PAFAH1B1: variants seen among roughly 807,000 people sequenced by gnomAD.
PAFAH1B1 encodes platelet activating factor acetylhydrolase 1b regulatory subunit 1.
PAFAH1B1 carries 2 observed loss-of-function variants against 57.5 expected under a neutral mutation model. That is an observed-to-expected ratio of 0.03 (90% CI 0.01 to 0.11). The LOEUF is 0.11. PAFAH1B1 is among the 10% of genes least tolerant of loss of function. PAFAH1B1 has a pLI of 1.00. For synonymous variants in PAFAH1B1, 152 were observed against 169.6 expected (o/e 0.90, Z 0.81); for missense variants, 257 against 512.0 (o/e 0.50, Z 4.81).
intron 1 of PAFAH1B1, among the ~76,000 whole-genome samples, chr17:2,637,413 C>T (rs1200213417): frequency 6.4e-5 from 3 of 47,074 alleles, no homozygotes; most frequent in Non-Finnish European, 1.1e-4. Flanking sequence ...AGACCTGTCT[C>T]TACAAAAAAA....
chr17:2,671,895 G>A (rs1020999433), intron 6 of PAFAH1B1, among the ~76,000 whole-genome samples: 10 of 151,942 alleles, frequency 6.6e-5, no homozygotes, highest in African/African-American at 1.9e-4. Context: ...GAACCACTGC[G>A]CCTGGCCCAC....
intron 10 of PAFAH1B1, 198 bp from the exon 11 acceptor site, chr17:2,681,531 T>C (rs2069384567): frequency 3.5e-6 from 2 of 569,610 alleles, no homozygotes; most frequent in Non-Finnish European, 6.3e-6. Flanking sequence ...AGTGGTGCAG[T>C]CATGGCTCGC....
chr17:2,596,432 G>A (rs1188223665), intron 1 of PAFAH1B1, among the ~76,000 whole-genome samples: 1 of 152,104 alleles, frequency 6.6e-6, no homozygotes, highest in Non-Finnish European at 1.5e-5. Flanking sequence ...TTGCATGAAA[G>A]CCCCTTCAGA....
At chr17:2,638,360 C>T in intron 2 of PAFAH1B1, 40 bp downstream of exon 2, 3 of 1,556,784 alleles carry the variant, frequency 1.9e-6, no homozygotes, top group Non-Finnish European at 2.7e-6. Context: ...AAATCTCCCT[C>T]ATGAGAGAGA....
chr17:2,657,597 T>C (rs940585090), intron 2 of PAFAH1B1, among the ~76,000 whole-genome samples: 1 of 152,222 alleles, frequency 6.6e-6, no homozygotes, highest in African/African-American at 2.4e-5. Flanking sequence ...ATCTCCATAA[T>C]GTACCATTCT....
At chr17:2,639,467 T>C (rs1339417896) in intron 2 of PAFAH1B1, 1 of 152,232 alleles carries the variant, frequency 6.6e-6, no homozygotes, top group Non-Finnish European at 1.5e-5. Flanking sequence ...GTTTGACCTC[T>C]TCTGTTTTAG....
Position 2,683,305 on chromosome 17 carries a change from G to T in PAFAH1B1, c.*1503G>T, listed in dbSNP as rs546188767. 2 of 152,100 alleles carry T rather than the reference G, an allele frequency of 1.3e-5. No individual in the cohort carries two copies. Among genetic ancestry groups the T allele is most frequent in the Admixed American group, 1.3e-4 (2 of 15,256 alleles). 9.4% of individuals were successfully genotyped at this position (152,100 alleles called of 1,614,324 possible). The stretch of plus-strand genomic sequence containing the variant: ...ATTCCATTGCTTAGCTAACCAACAG[G>T]TTTTTTTTGTTTCCAAGAGAGTTAT... On this transcript the variant is annotated 3_prime_UTR_variant, in exon 11 of 11. Transcript: ENST00000397195.
At chr17:2,641,440 T>G (rs1259851719) in intron 2 of PAFAH1B1, 1 of 152,222 alleles carries the variant, frequency 6.6e-6, no homozygotes, top group African/African-American at 2.4e-5. Context: ...ATTACAGATG[T>G]GAGCCACCAC....
At chr17:2,655,260 T>C (rs2068922460) in intron 2 of PAFAH1B1, among the ~76,000 whole-genome samples, 1 of 151,726 alleles carries the variant, frequency 6.6e-6, no homozygotes, top group Non-Finnish European at 1.5e-5. Context: ...GATCAAGATA[T>C]GATCAAGGTC....
intron 2 of PAFAH1B1, among the ~76,000 whole-genome samples, chr17:2,643,914 G>T (rs1211412653): frequency 6.6e-6 from 1 of 152,092 alleles, no homozygotes; most frequent in East Asian, 1.9e-4. Context: ...TTTCGCCCAG[G>T]CTGGAGTACA....
intron 1 of PAFAH1B1, among the ~76,000 whole-genome samples, chr17:2,599,809 A>C (rs2068119673): frequency 6.6e-6 from 1 of 152,116 alleles, no homozygotes; most frequent in South Asian, 2.1e-4. Flanking sequence ...TTATGTTGAC[A>C]AGAATTGACA....
At chr17:2,650,357 C>T (rs1305047229) in intron 2 of PAFAH1B1, among the ~76,000 whole-genome samples, 1 of 151,964 alleles carries the variant, frequency 6.6e-6, no homozygotes, top group African/African-American at 2.4e-5. Context: ...ACTGAAAATA[C>T]GAACATTAGC....
chr17:2,662,183 T>C (rs1163901372), intron 2 of PAFAH1B1, among the ~76,000 whole-genome samples: 2 of 152,008 alleles, frequency 1.3e-5, no homozygotes, highest in East Asian at 1.9e-4. Flanking sequence ...TAAAATCGAA[T>C]GCTGGCATTT....
At chr17:2,624,744 T>A (rs768930279) in intron 1 of PAFAH1B1, among the ~76,000 whole-genome samples, 4 of 152,172 alleles carry the variant, frequency 2.6e-5, no homozygotes, top group Non-Finnish European at 4.4e-5. Context: ...GGTTTCTCTG[T>A]GTTGCCCAGG....
intron 1 of PAFAH1B1, among the ~76,000 whole-genome samples, chr17:2,627,959 C>T (rs779175418): frequency 5.9e-5 from 9 of 152,168 alleles, no homozygotes; most frequent in Non-Finnish European, 1.2e-4. Context: ...ATTCTTTTAT[C>T]AGTTCTAGGA....
At chr17:2,598,459 C>CT (rs1400871179) in intron 1 of PAFAH1B1, among the ~76,000 whole-genome samples, 1 of 151,900 alleles carries the variant, frequency 6.6e-6, no homozygotes, top group Non-Finnish European at 1.5e-5. Context: ...TTACTTGCCT[C>CT]TAAGTCCCTG....
At chr17:2,614,412 C>G (rs1037924364) in intron 1 of PAFAH1B1, among the ~76,000 whole-genome samples, 1 of 152,124 alleles carries the variant, frequency 6.6e-6, no homozygotes, top group East Asian at 1.9e-4. Flanking sequence ...AAAATACTTA[C>G]TATCTTTGCA....
chr17:2,676,099 C>T lies in PAFAH1B1; in HGVS notation c.901-406C>T, dbSNP rs1371824551. Among the ~76,000 whole-genome samples, 11 of 152,156 alleles carry T rather than the reference C, an allele frequency of 7.2e-5. No individual in the cohort carries two copies. The East Asian group carries it at 1.4e-3, about 19-fold the overall frequency. The stretch of plus-strand genomic sequence containing the variant: ...ACAGATAAAAACAAATTGGGCTGGG[C>T]GCAGTGGCTCACGCCTGTAATTCCA... On this transcript the variant is annotated intron_variant, in intron 8 of 10. Transcript: ENST00000397195.
intron 1 of PAFAH1B1, among the ~76,000 whole-genome samples, chr17:2,623,587 A>C (rs946814150): frequency 6.2e-5 from 9 of 145,654 alleles, no homozygotes; most frequent in Non-Finnish European, 1.2e-4. Context: ...TCTATCATAT[A>C]GTCAGGCTGC....
Sources: gnomAD v4.1 joint callset for allele counts (sites outside exome capture counted in the v4.1 genomes callset) on GRCh38, gnomAD v4.1.1 for gene constraint, MANE v1.5 for transcripts, NCBI Gene and HGNC (gene_info 2026-07-23, HGNC 2026-07-21) for gene names.